The following RUNX1 variants were observed in gnomAD, a reference collection of about 807,000 sequenced individuals.
The protein encoded by RUNX1 is RUNX family transcription factor 1.
RUNX1 carries 19 observed loss-of-function variants against 42.8 expected under a neutral mutation model. That is an observed-to-expected ratio of 0.44 (90% CI 0.31 to 0.65). The LOEUF is 0.65. RUNX1 is among the 30% of genes least tolerant of loss of function. RUNX1 has a pLI of 0.07. For synonymous variants in RUNX1, 271 were observed against 289.4 expected (o/e 0.94, Z 0.64); for missense variants, 528 against 672.0 (o/e 0.79, Z 2.37).
At chr21:34,931,435 T>A (rs1036557463) in intron 2 of RUNX1, among the ~76,000 whole-genome samples, 16 of 146,260 alleles carry the variant, frequency 1.1e-4, no homozygotes, top group Admixed American at 9.0e-4. Flanking sequence ...CATATATAAA[T>A]GTATACAATA....
At chr21:34,834,069 T>TA (rs1439460559) in intron 7 of RUNX1, 15 of 488,510 alleles carry the variant, frequency 3.1e-5, no homozygotes, top group Admixed American at 1.1e-4. Context: ...AATGGGTAGG[T>TA]AAAAAAATAG....
Position 34,790,768 on chromosome 21 carries a change from ACTC to A in RUNX1, c.*1364_*1366del, listed in dbSNP as rs2056424011. ...CACTGAGGCACACAGAGGCAAATTG[ACTC>A]CTCGAGGCCTGCTTCTGGTGGGCCC... On this transcript the variant is annotated 3_prime_UTR_variant, in exon 9 of 9. Coordinates refer to ENST00000675419, the MANE Select transcript of RUNX1 (RefSeq NM_001754.5). The A allele has an allele frequency of 4.3e-6, 1 of 232,854 alleles. No individual in the cohort carries two copies. The highest frequency in any genetic ancestry group is 1.8e-4 in the South Asian group (1 of 5,496). The allele number at this position is 232,854 out of a possible 1,614,324, so 14.4% of individuals were successfully genotyped here.
At chr21:34,900,089 C>G (rs1601549144) in intron 2 of RUNX1, among the ~76,000 whole-genome samples, 1 of 152,142 alleles carries the variant, frequency 6.6e-6, no homozygotes, top group East Asian at 1.9e-4. Flanking sequence ...CTAGTAGCCA[C>G]ATTAAAAAAG....
chr21:34,792,252 G>A lies in RUNX1; in HGVS notation c.1326C>T (p.Leu442=), dbSNP rs1601332286. The A allele has an allele frequency of 2.6e-6, 4 of 1,537,512 alleles. No homozygotes were observed. The highest frequency in any genetic ancestry group is 2.4e-5 in the East Asian group (1 of 41,154). The part of the protein sequence containing the change: ...CTNASTGSAL[L]NPSLPNQSDV... ...CGCTCTGGTTCGGGAGGCTGGGGTT[G>A]AGCAGCGCGGAGCCGGTGGAGGCGT... The change falls in exon 9 of 9, where the codon CTC becomes CTT. Residue 442 remains leucine, a synonymous_variant. Coordinates refer to ENST00000675419, the MANE Select transcript of RUNX1 (RefSeq NM_001754.5). The surrounding 1 kb of genome is among the most constrained non-coding windows in gnomAD (Gnocchi z 6.9).
chr21:34,989,154 G>A (rs1044039307), intron 2 of RUNX1, among the ~76,000 whole-genome samples: 5 of 151,894 alleles, frequency 3.3e-5, no homozygotes, highest in Non-Finnish European at 7.4e-5. Context: ...GATTACAGGC[G>A]CCCGCCGCCA....
rs1374004810 is a variant in RUNX1, at chr21:34,792,619, C to A, written c.968-9G>T. 6.3e-7 allele frequency: 1 copy of A among 1,576,892 alleles called. No homozygotes were observed. Among genetic ancestry groups the A allele is most frequent in the East Asian group, 2.3e-5 (1 of 43,062 alleles). On this transcript the variant is annotated splice_polypyrimidine_tract_variant and intron_variant, in intron 8 of 8. Coordinates refer to ENST00000675419, the MANE Select transcript of RUNX1 (RefSeq NM_001754.5). This position sits in a 1 kb window ranked among gnomAD's most constrained non-coding sequence, Gnocchi z 6.9. ...TGTCAGGTCGGGTGCCGCTGCAGGG[C>A]GGGCAAGAGAACGGAGCGGAAGTGA... is the stretch of plus-strand genomic sequence containing the variant.
At chr21:34,982,471 T>C (rs971203961) in intron 2 of RUNX1, among the ~76,000 whole-genome samples, 7 of 151,756 alleles carry the variant, frequency 4.6e-5, no homozygotes, top group Non-Finnish European at 1.0e-4. Flanking sequence ...ATTGGGAAAG[T>C]TACCATCCAC....
chr21:34,873,157 A>G (rs765662694), intron 5 of RUNX1, among the ~76,000 whole-genome samples: 17 of 152,230 alleles, frequency 1.1e-4, no homozygotes, highest in Non-Finnish European at 1.9e-4. Flanking sequence ...AAGGAAAAAA[A>G]TCTGTAAAGA....
At chr21:34,888,332 C>G (rs951395654) in intron 3 of RUNX1, 1 of 1,067,592 alleles carries the variant, frequency 9.4e-7, no homozygotes, top group African/African-American at 1.6e-5. Context: ...GCACGCACAT[C>G]CTGCCACGCA....
At chr21:34,882,446 C>A (rs1203850032) in intron 4 of RUNX1, among the ~76,000 whole-genome samples, 1 of 152,222 alleles carries the variant, frequency 6.6e-6, no homozygotes, top group Non-Finnish European at 1.5e-5. Context: ...CACTGCCAAA[C>A]AAGGTCTGGG....
chr21:34,875,781 G>A (rs1331350074), intron 5 of RUNX1, among the ~76,000 whole-genome samples: 8 of 152,086 alleles, frequency 5.3e-5, no homozygotes, highest in African/African-American at 1.4e-4. Flanking sequence ...TATCAGTACC[G>A]TTTATCCTTC....
At chr21:34,917,424 A>C (rs1322939309) in intron 2 of RUNX1, among the ~76,000 whole-genome samples, 1 of 152,224 alleles carries the variant, frequency 6.6e-6, no homozygotes, top group Non-Finnish European at 1.5e-5. Flanking sequence ...GGCAGTTTTC[A>C]GTTGAACAAA....
chr21:34,963,698 C>G (rs888935243), intron 2 of RUNX1, among the ~76,000 whole-genome samples: 1 of 152,060 alleles, frequency 6.6e-6, no homozygotes, highest in Non-Finnish European at 1.5e-5. Flanking sequence ...TGGGCAGGTC[C>G]GGAGGCGAGA....
At chr21:34,970,850 C>T (rs557408532) in intron 2 of RUNX1, among the ~76,000 whole-genome samples, 1 of 151,978 alleles carries the variant, frequency 6.6e-6, no homozygotes, top group Non-Finnish European at 1.5e-5. Flanking sequence ...GTATTACTCT[C>T]GCAACTTTCC....
chr21:34,945,795 G>A (rs966469196), intron 2 of RUNX1, among the ~76,000 whole-genome samples: 1 of 152,170 alleles, frequency 6.6e-6, no homozygotes, highest in Non-Finnish European at 1.5e-5. Context: ...GGTATTTCCT[G>A]GGCTTTGACT....
At chr21:34,817,673 C>T (rs2056846464) in intron 7 of RUNX1, among the ~76,000 whole-genome samples, 2 of 152,168 alleles carry the variant, frequency 1.3e-5, no homozygotes, top group Admixed American at 1.3e-4. Context: ...TACACAGGCT[C>T]CTTACTGTTG....
rs1037940515 is a variant in RUNX1, at chr21:34,797,961, A to AC, written c.967+1339dup. ...AAATATTCTCCGATGCTCAGGACAG[A>AC]CCCCCCCCAACAAAGAATTATTTGG... On this transcript the variant is annotated intron_variant, in intron 8 of 8. Transcript: ENST00000675419. 157 of 453,244 alleles carry AC rather than the reference A, an allele frequency of 3.5e-4. 1 individual carries two copies. Among genetic ancestry groups the AC allele is most frequent in the African/African-American group, 4.8e-4 (24 of 49,498 alleles). 28.1% of individuals were successfully genotyped at this position (453,244 alleles called of 1,614,324 possible).
intron 5 of RUNX1, among the ~76,000 whole-genome samples, chr21:34,864,212 G>T (rs1366885006): frequency 6.6e-6 from 1 of 152,232 alleles, no homozygotes; most frequent in Non-Finnish European, 1.5e-5. Flanking sequence ...AGTAGGATCT[G>T]TGCCTCGGGG....
chr21:34,888,672 C>A (rs2058034375), intron 3 of RUNX1: 1 of 1,045,334 alleles, frequency 9.6e-7, no homozygotes. Flanking sequence ...CCGTCCCGCC[C>A]GCGCCCGCTG....
Sources: allele counts gnomAD v4.1 joint callset (sites outside exome capture counted in the v4.1 genomes callset), GRCh38; gene constraint gnomAD v4.1.1; non-coding constraint Gnocchi (gnomAD v3.1); transcripts MANE v1.5; gene names NCBI Gene and HGNC (gene_info 2026-07-23, HGNC 2026-07-21).